Variants in PIBF1 observed in about 807,000 individuals in gnomAD.
PIBF1 encodes the protein progesterone-induced-blocking factor 1.
In PIBF1, 90 loss-of-function variants were observed where a neutral mutation model predicts 112.5. The ratio of observed to expected loss-of-function variants is 0.80; its 90% CI spans 0.67 to 0.95. The LOEUF is 0.95. Among genes scored for constraint, PIBF1 ranks in the 40% least tolerant of loss-of-function variants. The pLI, the probability that PIBF1 is intolerant of heterozygous loss-of-function variation, is 0.00. For missense variants in PIBF1, 915 were observed against 852.3 expected (o/e 1.07, Z -0.92); for synonymous variants, 301 against 288.6 (o/e 1.04, Z -0.44).
chr13:72,809,544 T>TGA (rs1241104915), intron 5 of PIBF1, among the ~76,000 whole-genome samples: 2 of 151,698 alleles, frequency 1.3e-5, no homozygotes, highest in African/African-American at 2.4e-5. Context: ...TTTGTTTGTA[T>TGA]GAGATTAAAA....
intron 5 of PIBF1, among the ~76,000 whole-genome samples, chr13:72,818,618 C>A (rs192957218): frequency 7.0e-6 from 1 of 143,716 alleles, no homozygotes; most frequent in South Asian, 2.2e-4. Context: ...TAATTTGTTT[C>A]TTTATCAATC....
At chr13:73,009,519 C>T (rs1178309057) in intron 17 of PIBF1, among the ~76,000 whole-genome samples, 1 of 152,048 alleles carries the variant, frequency 6.6e-6, no homozygotes, top group East Asian at 1.9e-4. Context: ...AAACTAATCC[C>T]AAGTACAAAT....
chr13:72,988,061 C>T lies in PIBF1; in HGVS notation c.2050-10761C>T, dbSNP rs1566522597. On this transcript the variant is annotated intron_variant, in intron 16 of 17. Coordinates refer to ENST00000326291, the MANE Select transcript of PIBF1 (RefSeq NM_006346.4). ...TATTTTTAGTAGAGACGGGGTTTCACCATGCTGGCCAGGATGGTCTCAATC... is the reference window on the plus strand; with the variant it reads ...TATTTTTAGTAGAGACGGGGTTTCATCATGCTGGCCAGGATGGTCTCAATC... 1.3e-5 allele frequency among the ~76,000 whole-genome samples: 2 copies of T among 151,004 alleles called. 1 individual carries two copies. Among genetic ancestry groups the T allele is most frequent in the Non-Finnish European group, 2.9e-5 (2 of 67,824 alleles).
At chr13:72,935,177 G>T (rs2041831779) in intron 14 of PIBF1, among the ~76,000 whole-genome samples, 1 of 152,072 alleles carries the variant, frequency 6.6e-6, no homozygotes, top group African/African-American at 2.4e-5. Flanking sequence ...GTAGAGGCGG[G>T]GTTTCACTAT....
chr13:72,956,310 TCTC>T (rs1255275345), intron 14 of PIBF1, among the ~76,000 whole-genome samples: 2 of 152,120 alleles, frequency 1.3e-5, no homozygotes, highest in African/African-American at 4.8e-5. Context: ...TTACCCTTTT[TCTC>T]CTCTTTAGTA....
chr13:72,926,520 G>T (rs1029423170), intron 13 of PIBF1, among the ~76,000 whole-genome samples: 2 of 152,102 alleles, frequency 1.3e-5, no homozygotes, highest in Non-Finnish European at 2.9e-5. Context: ...CCTTCTGCAG[G>T]CCATCCTGCA....
chr13:72,942,366 A>AT (rs1350329428), intron 14 of PIBF1, among the ~76,000 whole-genome samples: 3 of 151,170 alleles, frequency 2.0e-5, no homozygotes, highest in Non-Finnish European at 4.4e-5. Context: ...TATTACTTTA[A>AT]TTTTTTTCAT....
intron 16 of PIBF1, among the ~76,000 whole-genome samples, chr13:72,977,217 T>A (rs1387506747): frequency 6.6e-6 from 1 of 152,158 alleles, no homozygotes; most frequent in Admixed American, 6.5e-5. Context: ...TGTCTTGTTT[T>A]GTTTTGAGAT....
intron 14 of PIBF1, among the ~76,000 whole-genome samples, chr13:72,951,782 T>G (rs1566483876): frequency 6.6e-6 from 1 of 152,250 alleles, no homozygotes; most frequent in East Asian, 1.9e-4. Flanking sequence ...AAAAATCCCG[T>G]GTTCTGCCTC....
At chr13:72,862,496 T>C (rs1251315231) in intron 10 of PIBF1, among the ~76,000 whole-genome samples, 1 of 152,208 alleles carries the variant, frequency 6.6e-6, no homozygotes, top group East Asian at 1.9e-4. Flanking sequence ...AATAATACTT[T>C]ATTTATTTAG....
At chr13:72,826,557 C>G (rs979365119) in intron 6 of PIBF1, among the ~76,000 whole-genome samples, 3 of 151,932 alleles carry the variant, frequency 2.0e-5, no homozygotes, top group Admixed American at 1.3e-4. Context: ...TAATCATAAA[C>G]AATTTGTGAA....
At chr13:72,995,300 CAAA>C (rs1363475945) in intron 16 of PIBF1, among the ~76,000 whole-genome samples, 1 of 86,844 alleles carries the variant, frequency 1.2e-5, no homozygotes. Context: ...GACTCCGTCT[CAAA>C]AAAAAAAAAA....
chr13:72,939,659 T>C (rs1318730798), intron 14 of PIBF1, among the ~76,000 whole-genome samples: 1 of 152,196 alleles, frequency 6.6e-6, no homozygotes. Flanking sequence ...TATTTCCACC[T>C]TCTGACTATT....
intron 16 of PIBF1, among the ~76,000 whole-genome samples, chr13:72,990,528 CAA>C (rs113835188): frequency 0.012 from 764 of 63,804 alleles, 18 homozygotes; most frequent in African/African-American, 0.03. Flanking sequence ...CTCTCCATCT[CAA>C]AAAAAAAAAA....
chr13:72,888,614 T>A (rs928080563), intron 10 of PIBF1, among the ~76,000 whole-genome samples: 1 of 152,120 alleles, frequency 6.6e-6, no homozygotes, highest in African/African-American at 2.4e-5. Flanking sequence ...CCGTTTAGAA[T>A]TAAATAAATT....
Position 72,845,774 on chromosome 13 carries a change from A to T in PIBF1, c.1224-8283A>T, listed in dbSNP as rs1358363424. ...TATCAGTGATGATGAGCTTTTTTTC[A>T]TGTTTCTTGGCCACATAAATGTCTT... On this transcript the variant is annotated intron_variant, in intron 9 of 17. Coordinates refer to ENST00000326291, the MANE Select transcript of PIBF1 (RefSeq NM_006346.4). Among the ~76,000 whole-genome samples, 9 of 152,086 alleles carry T rather than the reference A, an allele frequency of 5.9e-5. No homozygotes were observed. In the East Asian group the frequency reaches 1.2e-3, roughly 20 times the overall value.
intron 14 of PIBF1, among the ~76,000 whole-genome samples, chr13:72,955,166 C>T (rs1230650941): frequency 5.9e-5 from 9 of 152,200 alleles, no homozygotes; most frequent in Non-Finnish European, 1.3e-4. Flanking sequence ...ATATGAATGG[C>T]TGATTCATTA....
At position 73,013,731 on chromosome 13, in the gene PIBF1, C is replaced by CAAA. The variant is rs113104076; in HGVS notation, c.2224-2118_2224-2116dup. 4.7e-3 allele frequency among the ~76,000 whole-genome samples: 536 copies of CAAA among 112,926 alleles called. 1 individual carries two copies. The highest frequency in any genetic ancestry group is 0.015 in the African/African-American group (513 of 34,280). 74.1% of individuals were successfully genotyped at this position (112,926 alleles called of 152,430 possible). ...TGGGTAACAGAGCAAGAGCCTATCT[C>CAAA]AAAAAAAAAAAAAAAAAAAAAAGAA... is the stretch of plus-strand genomic sequence containing the variant. On this transcript the variant is annotated intron_variant, in intron 17 of 17. Coordinates refer to ENST00000326291, the MANE Select transcript of PIBF1 (RefSeq NM_006346.4).
At chr13:72,996,727 A>G (rs1411541404) in intron 16 of PIBF1, among the ~76,000 whole-genome samples, 1 of 152,104 alleles carries the variant, frequency 6.6e-6, no homozygotes, top group Non-Finnish European at 1.5e-5. Flanking sequence ...TGATCACACC[A>G]TAGCACTCTA....
Sources: allele counts gnomAD v4.1 joint callset (sites outside exome capture counted in the v4.1 genomes callset), GRCh38; gene constraint gnomAD v4.1.1; transcripts MANE v1.5; gene names NCBI Gene and HGNC (gene_info 2026-07-23, HGNC 2026-07-21).